Variants in PHKA2 observed in about 807,000 individuals in gnomAD.
PHKA2 encodes the protein phosphorylase b kinase regulatory subunit alpha, liver isoform.
In PHKA2, 31 loss-of-function variants were observed where a neutral mutation model predicts 102.0. The observed-to-expected ratio is 0.30, with a 90% CI of 0.23 to 0.41. The LOEUF (loss-of-function observed/expected upper bound fraction) is 0.41. Among genes scored for constraint, PHKA2 ranks in the 10% least tolerant of loss-of-function variants. The pLI, the probability that PHKA2 is intolerant of heterozygous loss-of-function variation, is 1.00. For missense variants in PHKA2, 858 were observed against 1,023.1 expected (o/e 0.84, Z 2.20); for synonymous variants, 455 against 416.2 (o/e 1.09, Z -1.13).
At position 18,918,571 on chromosome X, in the gene PHKA2, G is replaced by A. The variant is rs138736857; in HGVS notation, c.2137+110C>T. 1.2e-3 allele frequency: 833 copies of A among 718,142 alleles called. 2 individuals are homozygous for A. In the African/African-American group the frequency reaches 0.015, roughly 13 times the overall value. The allele number at this position is 718,142 out of a possible 1,213,427, so 59.2% of individuals were successfully genotyped here. On this transcript the variant is annotated intron_variant, in intron 19 of 32. Coordinates refer to ENST00000379942, the MANE Select transcript of PHKA2 (RefSeq NM_000292.3). ...AGTGGTTACCTCTAAGTAGAAGCAC[G>A]TGGGGGGCATTTTGTTGTCTTCTAG...
intron 1 of PHKA2, among the ~76,000 whole-genome samples, chrX:18,981,377 A>G (rs1237997092): frequency 1.8e-5 from 2 of 111,883 alleles, no homozygotes; most frequent in African/African-American, 6.5e-5. Context: ...AAATACAACT[A>G]AAGGCTCACA....
chrX:18,975,006 G>A (rs900448900), intron 1 of PHKA2, among the ~76,000 whole-genome samples: 4 of 110,242 alleles, frequency 3.6e-5, no homozygotes, highest in South Asian at 3.9e-4. Flanking sequence ...CTGTGATCTC[G>A]TCTCGTCTCG....
intron 31 of PHKA2, 92 bp downstream of exon 31, chrX:18,895,046 C>T: frequency 1.1e-6 from 1 of 879,305 alleles, no homozygotes; most frequent in Non-Finnish European, 1.7e-6. Context: ...TTAGAATGAG[C>T]CCAAAAGGAG....
At chrX:18,911,158 A>C (rs12853172) in intron 19 of PHKA2, among the ~76,000 whole-genome samples, 198 bp from the exon 20 acceptor site, 2 of 106,751 alleles carry the variant, frequency 1.9e-5, no homozygotes, top group Admixed American at 2.0e-4. Flanking sequence ...GGCACGTGCC[A>C]CCACGCCCAG....
Position 18,942,847 on chromosome X carries a change from T to TAA in PHKA2, c.717+861_717+862dup, listed in dbSNP as rs78129657. ...TAGGCGATAGAGTAAGACCTCCTCT[T>TAA]AAAAAAAAAAAAAAAAAATAGACTA... On this transcript the variant is annotated intron_variant, in intron 7 of 32. Coordinates refer to ENST00000379942, the MANE Select transcript of PHKA2 (RefSeq NM_000292.3). Among the ~76,000 whole-genome samples the TAA allele has an allele frequency of 4.5e-3, 387 of 85,716 alleles. 1 individual carries two copies. Among genetic ancestry groups the TAA allele is most frequent in the African/African-American group, 0.017 (373 of 22,589 alleles). 74.4% of individuals were successfully genotyped at this position (85,716 alleles called of 115,157 possible). A position where few individuals can be genotyped will look rare whatever the true frequency, so the allele number is the denominator to read the frequency against.
intron 24 of PHKA2, 43 bp downstream of exon 24, chrX:18,906,693 T>C (rs1467504307): frequency 1.7e-6 from 2 of 1,185,970 alleles, no homozygotes; most frequent in South Asian, 1.8e-5. Context: ...CCCTCCACTC[T>C]GAGGAAGGCT....
chrX:18,923,508 C>G (rs2048160622), intron 17 of PHKA2, among the ~76,000 whole-genome samples: 1 of 111,905 alleles, frequency 8.9e-6, no homozygotes, highest in Non-Finnish European at 1.9e-5. Context: ...AGCATAATAC[C>G]TGGGTACGTC....
At chrX:18,953,837 T>G (rs762218647) in intron 2 of PHKA2, among the ~76,000 whole-genome samples, 1 of 110,104 alleles carries the variant, frequency 9.1e-6, no homozygotes. Flanking sequence ...AAATACAAAA[T>G]TAGCTGCGCG....
rs149568658 is a variant in PHKA2, at chrX:18,944,426, T to C, written c.619-618A>G. Reference sequence around the variant, plus strand: ...ATATTTTTTGTTGCTTTAAAAATTATAGCCCTGGAGGCTCTACTCTGTCCA... The same window carrying C: ...ATATTTTTTGTTGCTTTAAAAATTACAGCCCTGGAGGCTCTACTCTGTCCA... On this transcript the variant is annotated intron_variant, in intron 6 of 32. Coordinates refer to ENST00000379942, the MANE Select transcript of PHKA2 (RefSeq NM_000292.3). 3.9e-3 allele frequency among the ~76,000 whole-genome samples: 436 copies of C among 111,978 alleles called. 5 individuals are homozygous for C. The highest frequency in any genetic ancestry group is 0.013 in the African/African-American group (409 of 30,823).
rs150903416 is a variant in PHKA2, at chrX:18,919,142, G to C, written c.1964-288C>G. 6.8e-3 allele frequency among the ~76,000 whole-genome samples: 760 copies of C among 111,930 alleles called. 1 individual carries two copies. The highest frequency in any genetic ancestry group is 0.016 in the South Asian group (44 of 2,697). ...CCTCCCAAGATGAACTGAATAATATGTAAGACAGCCTGAAGGATAGCAGCC... is the reference window on the plus strand; with the variant it reads ...CCTCCCAAGATGAACTGAATAATATCTAAGACAGCCTGAAGGATAGCAGCC... On this transcript the variant is annotated intron_variant, in intron 18 of 32. Transcript: ENST00000379942.
rs1485323150 is a variant in PHKA2 at position 18,897,172 on chromosome X, G to T, written c.3273C>A (p.Ile1091=). The T allele has an allele frequency of 8.3e-7, 1 of 1,211,443 alleles. No homozygotes were observed. Among genetic ancestry groups the T allele is most frequent in the South Asian group, 1.8e-5 (1 of 56,993 alleles). ...TCGCGTCTCGGCTTACCTTCTGGAG[G>T]ATCTTCCACACCCTCTGGTAGAATC... ...PVGFYQRVWK[I]LQKCHGLSID... The change falls in exon 30 of 33, where the codon ATC becomes ATA. Residue 1091 remains isoleucine (I), a synonymous_variant. Coordinates refer to ENST00000379942, the MANE Select transcript of PHKA2 (RefSeq NM_000292.3).
rs745412898 is a variant in PHKA2 at position 18,921,751 on chromosome X, G to A, written c.1794-1550C>T. ...AGCTCAGCACCAGGGCTTAGAGGCC[G>A]GGTTCTGGGTTCACACAGAGCTGCT... On this transcript the variant is annotated intron_variant, in intron 17 of 32. Transcript: ENST00000379942. Among the ~76,000 whole-genome samples, 7 of 110,802 alleles carry A rather than the reference G, an allele frequency of 6.3e-5. No individual in the cohort carries two copies. The East Asian group carries it at 1.1e-3, about 18-fold the overall frequency.
Position 18,892,452 on chromosome X carries a change from C to G in PHKA2, c.*1033G>C, listed in dbSNP as rs917973532. ...GACCCTGACACCTGACTCAACCTTG[C>G]TCTCCTCCAATCGGTGCCTCCAACT... On this transcript the variant is annotated 3_prime_UTR_variant, in exon 33 of 33. Transcript: ENST00000379942. The G allele has an allele frequency of 1.8e-5, 2 of 112,921 alleles. No homozygotes were observed. The highest frequency in any genetic ancestry group is 6.4e-5 in the African/African-American group (2 of 31,083). 9.3% of individuals were successfully genotyped at this position (112,921 alleles called of 1,213,427 possible). A position where few individuals can be genotyped will look rare whatever the true frequency, so the allele number is the denominator to read the frequency against.
chrX:18,901,696 G>A, intron 26 of PHKA2, 93 bp from the exon 27 acceptor site: 1 of 602,050 alleles, frequency 1.7e-6, no homozygotes, highest in Non-Finnish European at 2.9e-6. Flanking sequence ...TTGACAATGA[G>A]GGCCTTCTCT....
intron 29 of PHKA2, 65 bp downstream of exon 29, chrX:18,899,108 T>C: frequency 1.0e-6 from 1 of 963,479 alleles, no homozygotes; most frequent in Non-Finnish European, 1.5e-6. Context: ...GGGCATGAGG[T>C]GGGAGCATGA....
At chrX:18,983,424 C>T (rs1353345966) in intron 1 of PHKA2, among the ~76,000 whole-genome samples, 2 of 112,434 alleles carry the variant, frequency 1.8e-5, no homozygotes, top group African/African-American at 6.5e-5. Context: ...ACCAAGACAG[C>T]TCATGGGAGG....
At chrX:18,948,319 C>G (rs2048620423) in intron 5 of PHKA2, among the ~76,000 whole-genome samples, 1 of 110,091 alleles carries the variant, frequency 9.1e-6, no homozygotes, top group South Asian at 3.9e-4. Flanking sequence ...ATTAAAAATA[C>G]AAACATTAGC....
At position 18,941,655 on chromosome X, in the gene PHKA2, C is replaced by A. The variant is rs1353824861; in HGVS notation, c.738G>T (p.Leu246=). 1.7e-6 allele frequency: 2 copies of A among 1,169,906 alleles called. No individual in the cohort carries two copies. Among genetic ancestry groups the A allele is most frequent in the South Asian group, 1.8e-5 (1 of 56,044 alleles). ...TTTCTTTAGATGTCGACGCTCTTGG[C>A]AGCATGGAGAACAGAATAGACTGAA... is the stretch of plus-strand genomic sequence containing the variant. The part of the protein sequence containing the change: ...EHCQSILFSM[L]PRASTSKEID... The change falls in exon 8 of 33, where the codon CTG becomes CTT. Residue 246 remains leucine (L), a synonymous_variant. Coordinates refer to ENST00000379942, the MANE Select transcript of PHKA2 (RefSeq NM_000292.3).
chrX:18,904,936 TTA>T (rs2047777320), intron 26 of PHKA2, among the ~76,000 whole-genome samples: 1 of 111,519 alleles, frequency 9.0e-6, no homozygotes, highest in Admixed American at 9.6e-5. Flanking sequence ...ACTTGGGTGA[TTA>T]TGTTTCCCAG....
Sources: allele counts gnomAD v4.1 joint callset (sites outside exome capture counted in the v4.1 genomes callset), GRCh38; gene constraint gnomAD v4.1.1; transcripts MANE v1.5; gene names NCBI Gene and HGNC (gene_info 2026-07-23, HGNC 2026-07-21).